Variants in CAMK2D observed in about 807,000 individuals in gnomAD.
CAMK2D encodes calcium/calmodulin dependent protein kinase II delta.
CAMK2D carries 37 observed loss-of-function variants against 84.0 expected under a neutral mutation model. The ratio of observed to expected loss-of-function variants is 0.44; its 90% CI spans 0.34 to 0.58. The LOEUF (loss-of-function observed/expected upper bound fraction) is 0.58. CAMK2D is among the 20% of genes least tolerant of loss of function. The pLI, the probability that CAMK2D is intolerant of heterozygous loss-of-function variation, is 0.02. For missense variants in CAMK2D, 448 were observed against 652.5 expected (o/e 0.69, Z 3.41); for synonymous variants, 202 against 212.5 (o/e 0.95, Z 0.43).
chr4:113,696,388 A>G (rs1283289470), intron 2 of CAMK2D, among the ~76,000 whole-genome samples: 1 of 152,098 alleles, frequency 6.6e-6, no homozygotes, highest in East Asian at 1.9e-4. Context: ...ACCAGGACCT[A>G]GAATGGTGTC....
intron 2 of CAMK2D, among the ~76,000 whole-genome samples, chr4:113,742,365 T>C (rs1332564321): frequency 3.9e-5 from 6 of 152,104 alleles, no homozygotes; most frequent in African/African-American, 7.2e-5. Flanking sequence ...AAGTCTGAAC[T>C]CAAGAAACTG....
At chr4:113,571,565 A>G (rs570597292) in intron 4 of CAMK2D, among the ~76,000 whole-genome samples, 11 of 152,290 alleles carry the variant, frequency 7.2e-5, no homozygotes, top group African/African-American at 2.6e-4. Flanking sequence ...TCTAACTTAT[A>G]ATGTGCAGTT....
intron 3 of CAMK2D, among the ~76,000 whole-genome samples, chr4:113,654,912 A>G (rs1157830737): frequency 6.6e-6 from 1 of 151,852 alleles, no homozygotes; most frequent in Non-Finnish European, 1.5e-5. Flanking sequence ...ATGATATTTG[A>G]AAGTTTCTGA....
At chr4:113,670,143 A>G (rs2099274205) in intron 2 of CAMK2D, among the ~76,000 whole-genome samples, 1 of 152,098 alleles carries the variant, frequency 6.6e-6, no homozygotes, top group African/African-American at 2.4e-5. Flanking sequence ...ATAGCTGGGC[A>G]TGGTAGCGTG....
At position 113,629,722 on chromosome 4, in the gene CAMK2D, A is replaced by G. The variant is rs568842194; in HGVS notation, c.221-20516T>C. 3.3e-5 allele frequency among the ~76,000 whole-genome samples: 5 copies of G among 151,752 alleles called. No homozygotes were observed. In the East Asian group the frequency reaches 9.7e-4, roughly 29 times the overall value. On this transcript the variant is annotated intron_variant, in intron 3 of 20. Transcript: ENST00000511664. ...AGCAGTGAAAAAAAATTTCATCTCA[A>G]GTTCCTTGGATGATAATATATATCA... is the stretch of plus-strand genomic sequence containing the variant.
chr4:113,617,485 A>G (rs1265622453), intron 3 of CAMK2D, among the ~76,000 whole-genome samples: 1 of 151,938 alleles, frequency 6.6e-6, no homozygotes, highest in Non-Finnish European at 1.5e-5. Context: ...AAATCAAAAA[A>G]GAAGAGAGAC....
intron 18 of CAMK2D, among the ~76,000 whole-genome samples, chr4:113,458,453 T>C (rs886878947): frequency 6.6e-6 from 1 of 152,134 alleles, no homozygotes; most frequent in African/African-American, 2.4e-5. Context: ...TATAAAATAT[T>C]ATTATAGTCA....
intron 16 of CAMK2D, among the ~76,000 whole-genome samples, chr4:113,474,893 C>T (rs533708124): frequency 2.1e-4 from 32 of 152,250 alleles, no homozygotes; most frequent in African/African-American, 7.0e-4. Flanking sequence ...GTGATCTGCC[C>T]GCCTCGACCT....
At chr4:113,732,809 G>T (rs1227072390) in intron 2 of CAMK2D, among the ~76,000 whole-genome samples, 2 of 152,044 alleles carry the variant, frequency 1.3e-5, no homozygotes, top group Non-Finnish European at 2.9e-5. Flanking sequence ...TTCATTTAGA[G>T]TTAATAGCTA....
At chr4:113,698,100 T>C (rs554380082) in intron 2 of CAMK2D, among the ~76,000 whole-genome samples, 4 of 152,194 alleles carry the variant, frequency 2.6e-5, no homozygotes, top group African/African-American at 9.6e-5. Flanking sequence ...TCAGAACACT[T>C]TCATTAGCCT....
intron 4 of CAMK2D, among the ~76,000 whole-genome samples, chr4:113,599,852 T>A (rs2048498104): frequency 6.6e-6 from 1 of 152,158 alleles, no homozygotes; most frequent in Admixed American, 6.5e-5. Flanking sequence ...CTTATCCTCA[T>A]CATCTTCACA....
intron 2 of CAMK2D, among the ~76,000 whole-genome samples, chr4:113,729,859 T>C (rs2148754636): frequency 1.3e-5 from 2 of 152,268 alleles, no homozygotes; most frequent in East Asian, 3.9e-4. Flanking sequence ...GGTATCTATC[T>C]ATGAACAAAA....
chr4:113,637,870 C>T lies in CAMK2D; in HGVS notation c.220+23843G>A, dbSNP rs969693327. On this transcript the variant is annotated intron_variant, in intron 3 of 20. Transcript: ENST00000511664. The stretch of plus-strand genomic sequence containing the variant: ...AATGTTTTTGAAATAATAATAAATA[C>T]TAAATAATAATAAATACTAAATCTT... Among the ~76,000 whole-genome samples the T allele has an allele frequency of 1.7e-4, 26 of 152,062 alleles. 2 individuals carry two copies. Among genetic ancestry groups the T allele is most frequent in the African/African-American group, 5.3e-4 (22 of 41,486 alleles).
At chr4:113,660,903 C>G (rs954488319) in intron 3 of CAMK2D, among the ~76,000 whole-genome samples, 1 of 150,964 alleles carries the variant, frequency 6.6e-6, no homozygotes, top group Non-Finnish European at 1.5e-5. Context: ...TCAAGCCATT[C>G]TCTGGCCTCA....
intron 2 of CAMK2D, among the ~76,000 whole-genome samples, chr4:113,739,473 AAT>A (rs1396706955): frequency 6.6e-6 from 1 of 152,182 alleles, no homozygotes; most frequent in African/African-American, 2.4e-5. Flanking sequence ...GGGTGGATCC[AAT>A]ATAAGACTTA....
chr4:113,454,649 AG>A (rs1482980995), intron 20 of CAMK2D, 134 bp from the exon 21 acceptor site: 1 of 582,356 alleles, frequency 1.7e-6, no homozygotes, highest in Non-Finnish European at 3.2e-6. Context: ...ACTATGTATA[AG>A]AGATGTTTGC....
At chr4:113,459,833 T>C (rs922205542) in intron 18 of CAMK2D, among the ~76,000 whole-genome samples, 7 of 151,752 alleles carry the variant, frequency 4.6e-5, no homozygotes, top group African/African-American at 7.3e-5. Context: ...ACCATGTTGG[T>C]CAGGCTGGTC....
At chr4:113,545,203 C>A (rs1591011624) in intron 6 of CAMK2D, among the ~76,000 whole-genome samples, 1 of 152,098 alleles carries the variant, frequency 6.6e-6, no homozygotes, top group Admixed American at 6.6e-5. Context: ...TAAGCCCCTA[C>A]GTTAGGTACT....
At chr4:113,683,382 G>A (rs1025052311) in intron 2 of CAMK2D, among the ~76,000 whole-genome samples, 14 of 152,164 alleles carry the variant, frequency 9.2e-5, no homozygotes, top group African/African-American at 3.4e-4. Context: ...GCTGAGAGGT[G>A]AATCTGGTTA....
Sources: allele counts gnomAD v4.1 joint callset (sites outside exome capture counted in the v4.1 genomes callset), GRCh38; gene constraint gnomAD v4.1.1; transcripts MANE v1.5; gene names NCBI Gene and HGNC (gene_info 2026-07-23, HGNC 2026-07-21).